Variants in GLIS3 observed in about 807,000 individuals in gnomAD.
The protein encoded by GLIS3 is GLIS family zinc finger 3, also known as zinc finger protein GLIS3.
Under a neutral mutation model 78.6 loss-of-function variants are expected in GLIS3, and 53 were observed. That is an observed-to-expected ratio of 0.67 (90% CI 0.54 to 0.85). The LOEUF (loss-of-function observed/expected upper bound fraction) is 0.85, where lower values mean the gene tolerates loss of function less well. Among genes scored for constraint, GLIS3 ranks in the 40% least tolerant of loss-of-function variants. GLIS3 has a pLI of 0.00. For missense variants in GLIS3, 1,703 were observed against 1,231.1 expected (o/e 1.38, Z -5.74); for synonymous variants, 684 against 509.9 (o/e 1.34, Z -4.60).
the GLIS3 span, among the ~76,000 whole-genome samples, chr9:4,471,397 C>T: frequency 6.6e-6 from 1 of 152,002 alleles, no homozygotes; most frequent in African/African-American, 2.4e-5. Flanking sequence ...GGTACTGGTA[C>T]CAAAAGAGAG....
intron 2 of GLIS3, among the ~76,000 whole-genome samples, chr9:4,195,950 C>T (rs1430499415): frequency 6.6e-6 from 1 of 152,172 alleles, no homozygotes; most frequent in Non-Finnish European, 1.5e-5. Context: ...TTTGTAAATG[C>T]ACCAATCAGC....
chr9:4,138,751 G>T (rs563108439), intron 2 of GLIS3, among the ~76,000 whole-genome samples: 1 of 152,264 alleles, frequency 6.6e-6, no homozygotes, highest in Non-Finnish European at 1.5e-5. Flanking sequence ...CCTTCATAAG[G>T]CTGTTTGGAG....
intron 2 of GLIS3, among the ~76,000 whole-genome samples, chr9:4,186,925 T>C (rs981958309): frequency 6.6e-6 from 1 of 152,134 alleles, no homozygotes; most frequent in African/African-American, 2.4e-5. Context: ...GTTGGGAAAA[T>C]TTTCTCCCAT....
chr9:4,077,095 T>C (rs1171558132), intron 4 of GLIS3, among the ~76,000 whole-genome samples: 1 of 109,808 alleles, frequency 9.1e-6, no homozygotes, highest in African/African-American at 6.4e-5. Flanking sequence ...AATTTTCTTC[T>C]TATTTGTCAT....
At chr9:4,265,114 G>A (rs994739886) in intron 2 of GLIS3, among the ~76,000 whole-genome samples, 1 of 150,332 alleles carries the variant, frequency 6.7e-6, no homozygotes, top group Non-Finnish European at 1.5e-5. Context: ...AGAGCTTGCA[G>A]TGAGCCGAGA....
the GLIS3 span, among the ~76,000 whole-genome samples, chr9:4,445,765 G>A: frequency 6.6e-6 from 1 of 152,220 alleles, no homozygotes; most frequent in Non-Finnish European, 1.5e-5. Context: ...CCATGCAGAT[G>A]TCCGAATCCT....
At chr9:4,004,662 G>A (rs1821397441) in intron 4 of GLIS3, among the ~76,000 whole-genome samples, 1 of 152,166 alleles carries the variant, frequency 6.6e-6, no homozygotes, top group Non-Finnish European at 1.5e-5. Context: ...TGGTTTAGGG[G>A]ATACAATGGA....
intron 2 of GLIS3, among the ~76,000 whole-genome samples, chr9:4,158,995 G>A (rs1007302689): frequency 7.2e-6 from 1 of 139,378 alleles, no homozygotes; most frequent in East Asian, 2.2e-4. Flanking sequence ...AAGACCTGAA[G>A]GCTGAACCAG....
the GLIS3 span, among the ~76,000 whole-genome samples, chr9:4,460,451 A>T: frequency 6.6e-6 from 1 of 152,182 alleles, no homozygotes; most frequent in African/African-American, 2.4e-5. Context: ...AGTCCACACC[A>T]TATGGTGCTT....
the GLIS3 span, among the ~76,000 whole-genome samples, chr9:4,399,058 A>G: frequency 2.0e-5 from 3 of 152,216 alleles, no homozygotes; most frequent in Admixed American, 6.5e-5. Context: ...GAGATAGACC[A>G]TAACATTTTA....
intron 2 of GLIS3, among the ~76,000 whole-genome samples, chr9:4,249,982 G>T (rs1358180396): frequency 6.6e-6 from 1 of 152,206 alleles, no homozygotes; most frequent in African/African-American, 2.4e-5. Flanking sequence ...CTTGACCGTG[G>T]TGGATAAGCT....
At chr9:4,082,910 T>C (rs1188935645) in intron 4 of GLIS3, among the ~76,000 whole-genome samples, 1 of 152,192 alleles carries the variant, frequency 6.6e-6, no homozygotes, top group Non-Finnish European at 1.5e-5. Flanking sequence ...CCAAGGCCCA[T>C]GGTCATAAAA....
At chr9:4,082,038 G>C (rs979373931) in intron 4 of GLIS3, among the ~76,000 whole-genome samples, 1 of 152,140 alleles carries the variant, frequency 6.6e-6, no homozygotes, top group African/African-American at 2.4e-5. Flanking sequence ...GGACAGAATC[G>C]GAATGGGAGC....
intron 4 of GLIS3, among the ~76,000 whole-genome samples, chr9:3,949,233 ATC>A (rs1440917488): frequency 1.3e-5 from 2 of 152,230 alleles, no homozygotes; most frequent in African/African-American, 4.8e-5. Flanking sequence ...AAGACTGACT[ATC>A]CTAAATTATA....
the GLIS3 span, among the ~76,000 whole-genome samples, chr9:4,476,454 T>G: frequency 6.6e-6 from 1 of 151,998 alleles, no homozygotes; most frequent in Admixed American, 6.6e-5. Context: ...CTCCGCCTCC[T>G]GGGTTCAAGC....
intron 2 of GLIS3, among the ~76,000 whole-genome samples, chr9:4,283,711 T>G (rs61417943): frequency 0.027 from 4,104 of 152,290 alleles, 147 homozygotes; most frequent in African/African-American, 0.085. Flanking sequence ...GAGTAAATGA[T>G]CAAAGTTCAA....
At chr9:3,950,691 C>T (rs1816618231) in intron 4 of GLIS3, among the ~76,000 whole-genome samples, 1 of 152,252 alleles carries the variant, frequency 6.6e-6, no homozygotes, top group Admixed American at 6.5e-5. Context: ...GCCCTTATAG[C>T]ATCCTCATGG....
intron 2 of GLIS3, among the ~76,000 whole-genome samples, chr9:4,243,803 G>C (rs1280818565): frequency 6.6e-6 from 1 of 152,146 alleles, no homozygotes; most frequent in East Asian, 1.9e-4. Flanking sequence ...TGTCGAGTTT[G>C]TAACTACCAC....
chr9:4,204,071 A>G (rs1034757464), intron 2 of GLIS3, among the ~76,000 whole-genome samples: 2 of 152,240 alleles, frequency 1.3e-5, no homozygotes, highest in Non-Finnish European at 2.9e-5. Flanking sequence ...ACAAACCTGC[A>G]TGTGTCCTCT....
Sources: gnomAD v4.1 joint callset for allele counts (sites outside exome capture counted in the v4.1 genomes callset) on GRCh38, gnomAD v4.1.1 for gene constraint, MANE v1.5 for transcripts, NCBI Gene and HGNC (gene_info 2026-07-23, HGNC 2026-07-21) for gene names.